OSBP2: variants seen among roughly 807,000 people sequenced by gnomAD.
The protein encoded by OSBP2 is oxysterol binding protein 2.
In OSBP2, 66 loss-of-function variants were observed where a neutral mutation model predicts 96.0. The observed-to-expected ratio is 0.69, with a 90% CI of 0.56 to 0.84. OSBP2 has a LOEUF of 0.84. Ranked by LOEUF, OSBP2 falls within the 40% of genes least tolerant of loss-of-function variation. OSBP2 has a pLI of 0.00. For missense variants in OSBP2, 1,038 were observed against 1,222.7 expected, an observed-to-expected ratio of 0.85 and a Z score of 2.25; for synonymous variants, 525 against 520.9, an observed-to-expected ratio of 1.01 and a Z score of -0.11.
At chr22:30,861,837 A>C (rs1054576883) in intron 2 of OSBP2, among the ~76,000 whole-genome samples, 1 of 152,182 alleles carries the variant, frequency 6.6e-6, no homozygotes, top group South Asian at 2.1e-4. Flanking sequence ...CGCCGCTTCT[A>C]TCTCCCACTT....
chr22:30,743,859 G>A (rs947518994), intron 2 of OSBP2, among the ~76,000 whole-genome samples: 1 of 152,226 alleles, frequency 6.6e-6, no homozygotes, highest in Admixed American at 6.5e-5. Flanking sequence ...GGAAGGAAGT[G>A]CTTGTTAACT....
rs1602419734 is a variant in OSBP2 at position 30,888,396 on chromosome 22, G to A, written c.1418+56G>A. 6 of 1,052,228 alleles carry A rather than the reference G, an allele frequency of 5.7e-6. No homozygotes were observed. The South Asian group carries it at 6.3e-5, about 11-fold the overall frequency. 65.2% of individuals were successfully genotyped at this position (1,052,228 alleles called of 1,614,324 possible). A position where few individuals can be genotyped will look rare whatever the true frequency, so the allele number is the denominator to read the frequency against. On this transcript the variant is annotated intron_variant, in intron 5 of 13. Transcript: ENST00000332585. ...CCCACCCTGGTCTTAGGCTGCATCT[G>A]GTCTTTTCACCAGCTATCTAGTTGT...
At chr22:30,869,690 T>C (rs1161865429) in intron 2 of OSBP2, among the ~76,000 whole-genome samples, 3 of 152,202 alleles carry the variant, frequency 2.0e-5, no homozygotes, top group Non-Finnish European at 2.9e-5. Context: ...CATATGCCAC[T>C]ATGCCCGGCT....
chr22:30,707,800 G>A (rs2089278648), intron 1 of OSBP2, among the ~76,000 whole-genome samples: 1 of 151,916 alleles, frequency 6.6e-6, no homozygotes, highest in Admixed American at 6.6e-5. Flanking sequence ...CTGAACCATT[G>A]CAGTAGCCGA....
intron 1 of OSBP2, among the ~76,000 whole-genome samples, chr22:30,736,968 C>T (rs2089865032): frequency 6.6e-6 from 1 of 152,238 alleles, no homozygotes. Context: ...GCTGCCATCT[C>T]CCACCCTGTG....
chr22:30,767,383 C>T lies in OSBP2; in HGVS notation c.853+26014C>T, dbSNP rs539246091. ...AAGACTCTCAGGAATCGTCACATAC[C>T]TGTCACCCAGATGCCACAGTTACCA... On this transcript the variant is annotated intron_variant, in intron 2 of 13. Coordinates refer to ENST00000332585, the MANE Select transcript of OSBP2 (RefSeq NM_030758.4). Among the ~76,000 whole-genome samples, 4 of 152,156 alleles carry T rather than the reference C, an allele frequency of 2.6e-5. No homozygotes were observed. In the East Asian group the frequency reaches 7.7e-4, roughly 29 times the overall value.
rs376587556 is a variant in OSBP2, at chr22:30,894,013, T to C, written c.2375+12T>C. ...AAGTACCCGCTGCCGTGAGTAGGGCTGGCAGGGGCCCCGCCACAGGCAAAG... is the reference window on the plus strand; with the variant it reads ...AAGTACCCGCTGCCGTGAGTAGGGCCGGCAGGGGCCCCGCCACAGGCAAAG... On this transcript the variant is annotated intron_variant, in intron 12 of 13. Coordinates refer to ENST00000332585, the MANE Select transcript of OSBP2 (RefSeq NM_030758.4). The C allele has an allele frequency of 3.2e-6, 5 of 1,579,638 alleles. No homozygotes were observed. The African/African-American group carries it at 6.7e-5, about 21-fold the overall frequency.
chr22:30,759,745 AC>A (rs761257624), intron 2 of OSBP2, among the ~76,000 whole-genome samples: 8 of 152,254 alleles, frequency 5.3e-5, no homozygotes, highest in Non-Finnish European at 8.8e-5. Context: ...CTTCAGGCCT[AC>A]ATGATTTCAC....
At chr22:30,789,202 G>C (rs185937680) in intron 2 of OSBP2, among the ~76,000 whole-genome samples, 2 of 152,284 alleles carry the variant, frequency 1.3e-5, no homozygotes, top group Non-Finnish European at 2.9e-5. Context: ...AAGTTTTGTT[G>C]CATCCTCTTA....
At chr22:30,891,015 T>G in intron 8 of OSBP2, 42 bp downstream of exon 8, 1 of 1,582,176 alleles carries the variant, frequency 6.3e-7, no homozygotes, top group Non-Finnish European at 8.6e-7. Flanking sequence ...CCACCCACAC[T>G]CTGGCCAAGC....
intron 2 of OSBP2, among the ~76,000 whole-genome samples, chr22:30,847,598 T>C (rs1192833967): frequency 1.3e-5 from 2 of 152,188 alleles, no homozygotes; most frequent in Non-Finnish European, 2.9e-5. Context: ...AAATATTTGG[T>C]AGACTTCTTC....
chr22:30,887,270 T>G (rs1484343146), intron 3 of OSBP2, among the ~76,000 whole-genome samples, 156 bp from the exon 4 acceptor site: 1 of 152,194 alleles, frequency 6.6e-6, no homozygotes, highest in Admixed American at 6.5e-5. Flanking sequence ...TCCTGTGACT[T>G]AGAATGCCTT....
At chr22:30,872,660 A>G (rs1437240544) in intron 3 of OSBP2, 2 of 349,478 alleles carry the variant, frequency 5.7e-6, no homozygotes, top group South Asian at 2.2e-5. Context: ...TTAGCCTGCC[A>G]TGAGGGCCCC....
chr22:30,894,030 C>T (rs541724066), intron 12 of OSBP2, 29 bp downstream of exon 12: 2 of 1,567,450 alleles, frequency 1.3e-6, no homozygotes, highest in South Asian at 1.2e-5. Context: ...GGCCCCGCCA[C>T]AGGCAAAGGA....
intron 12 of OSBP2, among the ~76,000 whole-genome samples, chr22:30,896,647 ATTTTTT>A (rs60421891): frequency 2.1e-5 from 3 of 143,984 alleles, no homozygotes; most frequent in Non-Finnish European, 4.5e-5. Context: ...GGCAAACTGG[ATTTTTT>A]TTTTTTTTTT....
chr22:30,741,079 G>A, intron 1 of OSBP2, 82 bp from the exon 2 acceptor site: 1 of 1,102,228 alleles, frequency 9.1e-7, no homozygotes, highest in Non-Finnish European at 1.3e-6. Flanking sequence ...CTGAGATTCT[G>A]AGGATTTGCC....
intron 2 of OSBP2, among the ~76,000 whole-genome samples, chr22:30,841,550 C>T (rs758361064): frequency 3.3e-5 from 5 of 152,142 alleles, no homozygotes; most frequent in Non-Finnish European, 7.3e-5. Context: ...AGTCATACCT[C>T]GGAGATATTG....
chr22:30,762,356 G>A (rs1044665237), intron 2 of OSBP2, among the ~76,000 whole-genome samples: 2 of 152,062 alleles, frequency 1.3e-5, no homozygotes, highest in African/African-American at 4.8e-5. Context: ...GAGACATCCT[G>A]GCTAACACGG....
intron 2 of OSBP2, among the ~76,000 whole-genome samples, chr22:30,859,089 GTC>G: frequency 6.6e-6 from 1 of 151,956 alleles, no homozygotes; most frequent in Non-Finnish European, 1.5e-5. Flanking sequence ...AGGGCCCTCT[GTC>G]TCAGCTTGCG....
Sources: gnomAD v4.1 joint callset for allele counts (sites outside exome capture counted in the v4.1 genomes callset) on GRCh38, gnomAD v4.1.1 for gene constraint, MANE v1.5 for transcripts, NCBI Gene and HGNC (gene_info 2026-07-23, HGNC 2026-07-21) for gene names.